The following MCTP1 variants were observed in gnomAD, a reference collection of about 807,000 sequenced individuals.
MCTP1 encodes the protein multiple C2 and transmembrane domain containing 1, also known as multiple C2 and transmembrane domain-containing protein 1.
In MCTP1, 69 loss-of-function variants were observed where a neutral mutation model predicts 120.6. The ratio of observed to expected loss-of-function variants is 0.57; its 90% CI spans 0.47 to 0.70. The LOEUF (loss-of-function observed/expected upper bound fraction) is 0.70. Among genes scored for constraint, MCTP1 ranks in the 30% least tolerant of loss-of-function variants. The pLI is 0.00. For synonymous variants in MCTP1, 529 were observed against 493.1 expected (o/e 1.07, Z -0.96); for missense variants, 1,203 against 1,248.8 (o/e 0.96, Z 0.55).
At chr5:94,851,870 A>T (rs2153224920) in intron 17 of MCTP1, among the ~76,000 whole-genome samples, 1 of 152,028 alleles carries the variant, frequency 6.6e-6, no homozygotes, top group East Asian at 1.9e-4. Flanking sequence ...TAGAAGTAGG[A>T]GTGAAGGTAT....
At chr5:95,040,486 G>A (rs910682454) in intron 1 of MCTP1, among the ~76,000 whole-genome samples, 1 of 151,566 alleles carries the variant, frequency 6.6e-6, no homozygotes, top group Admixed American at 6.6e-5. Flanking sequence ...GATTTTTTGG[G>A]CTAAGTGCTC....
intron 1 of MCTP1, among the ~76,000 whole-genome samples, chr5:95,044,014 T>G (rs1021207054): frequency 1.3e-5 from 2 of 152,148 alleles, no homozygotes; most frequent in Non-Finnish European, 2.9e-5. Context: ...GCAATAAAAT[T>G]TAGTGTTCTC....
chr5:95,058,638 G>T (rs541813822), intron 1 of MCTP1, among the ~76,000 whole-genome samples: 1 of 147,142 alleles, frequency 6.8e-6, no homozygotes, highest in South Asian at 2.1e-4. Context: ...CTTCAACATA[G>T]AATTAAATGA....
At chr5:94,708,256 C>T (rs142776429) in intron 22 of MCTP1, 1 of 267,220 alleles carries the variant, frequency 3.7e-6, no homozygotes, top group African/African-American at 2.2e-5. Context: ...TCCAGCTGAA[C>T]TAACTTGGAG....
chr5:95,232,631 T>C (rs1755096218), intron 1 of MCTP1, among the ~76,000 whole-genome samples: 1 of 151,990 alleles, frequency 6.6e-6, no homozygotes, highest in South Asian at 2.1e-4. Flanking sequence ...GCTAATTTTT[T>C]TGTATTTTAG....
intron 1 of MCTP1, among the ~76,000 whole-genome samples, chr5:95,199,310 T>A (rs910754724): frequency 1.3e-5 from 2 of 151,988 alleles, no homozygotes; most frequent in African/African-American, 4.8e-5. Flanking sequence ...AACAGGGGAG[T>A]ATAGATTAAA....
chr5:94,888,700 TA>T (rs1299197528), intron 12 of MCTP1, among the ~76,000 whole-genome samples, 178 bp downstream of exon 12: 1 of 152,184 alleles, frequency 6.6e-6, no homozygotes, highest in Non-Finnish European at 1.5e-5. Context: ...ACCCTGCCTT[TA>T]AAAAGCAGAG....
chr5:95,151,945 T>G (rs182582883), intron 1 of MCTP1, among the ~76,000 whole-genome samples: 99 of 152,316 alleles, frequency 6.5e-4, no homozygotes, highest in Admixed American at 1.0e-3. Context: ...ACTCAGAAAT[T>G]GTAAATGGCA....
At chr5:95,142,556 CTG>C (rs1022318971) in intron 1 of MCTP1, among the ~76,000 whole-genome samples, 5 of 152,004 alleles carry the variant, frequency 3.3e-5, no homozygotes, top group African/African-American at 1.2e-4. Flanking sequence ...ATTATAGTCA[CTG>C]TGGATAAAGA....
chr5:95,136,016 G>A (rs1314288621), intron 1 of MCTP1, among the ~76,000 whole-genome samples: 3 of 152,200 alleles, frequency 2.0e-5, no homozygotes, highest in Admixed American at 6.5e-5. Flanking sequence ...TATAATTGAA[G>A]TAGGTTTTAA....
intron 17 of MCTP1, among the ~76,000 whole-genome samples, chr5:94,804,979 T>C (rs1781997500): frequency 1.3e-5 from 2 of 152,146 alleles, no homozygotes; most frequent in African/African-American, 4.8e-5. Flanking sequence ...TTTACAAAAA[T>C]TCATTATTAC....
chr5:94,733,028 G>A lies in MCTP1; in HGVS notation c.2611-18142C>T, dbSNP rs1763429973. ...AAGTTGAAGTCTGCATAATTATTTA[G>A]AGTAATTTTATCTATTCCAAATATG... is the stretch of plus-strand genomic sequence containing the variant. On this transcript the variant is annotated intron_variant, in intron 19 of 22. Coordinates refer to ENST00000515393, the MANE Select transcript of MCTP1 (RefSeq NM_024717.7). 2.0e-5 allele frequency among the ~76,000 whole-genome samples: 3 copies of A among 152,070 alleles called. 1 individual carries two copies. Among genetic ancestry groups the A allele is most frequent in the Admixed American group, 2.0e-4 (3 of 15,268 alleles).
intron 17 of MCTP1, among the ~76,000 whole-genome samples, chr5:94,827,813 G>T (rs534364895): frequency 2.6e-5 from 4 of 151,460 alleles, no homozygotes; most frequent in African/African-American, 9.7e-5. Context: ...TTTCAGCTCC[G>T]TCAGGTCATT....
intron 1 of MCTP1, among the ~76,000 whole-genome samples, chr5:95,247,417 T>C (rs1345110284): frequency 6.6e-6 from 1 of 152,208 alleles, no homozygotes; most frequent in Non-Finnish European, 1.5e-5. Flanking sequence ...ATCTTAGTTA[T>C]TCCTTGCTTC....
chr5:95,095,005 G>GTTTTTT (rs1562138448), intron 1 of MCTP1, among the ~76,000 whole-genome samples: 23 of 79,548 alleles, frequency 2.9e-4, no homozygotes, highest in African/African-American at 1.2e-3. Flanking sequence ...TGTTATGTTA[G>GTTTTTT]ATTTTTTTTT....
chr5:95,023,008 A>T (rs1838494666), intron 1 of MCTP1, among the ~76,000 whole-genome samples: 1 of 152,166 alleles, frequency 6.6e-6, no homozygotes, highest in Non-Finnish European at 1.5e-5. Context: ...AGGGAGCATC[A>T]GAAAAAATCA....
chr5:95,245,244 T>C (rs1361439845), intron 1 of MCTP1, among the ~76,000 whole-genome samples: 1 of 152,034 alleles, frequency 6.6e-6, no homozygotes, highest in Non-Finnish European at 1.5e-5. Flanking sequence ...AAGCTGAACA[T>C]TCCAAAAAAC....
intron 1 of MCTP1, among the ~76,000 whole-genome samples, chr5:95,151,130 CATAT>C (rs3037035): frequency 0.044 from 5,535 of 125,926 alleles, 383 homozygotes; most frequent in African/African-American, 0.15. Flanking sequence ...ACGCCTGGCT[CATAT>C]ATATATATAT....
chr5:95,060,467 C>T (rs115807763), intron 1 of MCTP1, among the ~76,000 whole-genome samples: 1,896 of 152,220 alleles, frequency 0.012, 16 homozygotes, highest in Middle Eastern at 0.017. Flanking sequence ...AAACACCTTG[C>T]AGAGCATAAT....
Sources: allele counts gnomAD v4.1 joint callset (sites outside exome capture counted in the v4.1 genomes callset), GRCh38; gene constraint gnomAD v4.1.1; transcripts MANE v1.5; gene names NCBI Gene and HGNC (gene_info 2026-07-23, HGNC 2026-07-21).